Variants in EPB41L4B observed in about 807,000 individuals in gnomAD.
EPB41L4B encodes the protein band 4.1-like protein 4B.
In EPB41L4B, 30 loss-of-function variants were observed where a neutral mutation model predicts 112.5. The ratio of observed to expected loss-of-function variants is 0.27; its 90% CI spans 0.20 to 0.36. The LOEUF is 0.36. Among genes scored for constraint, EPB41L4B ranks in the 10% least tolerant of loss-of-function variants. The pLI is 1.00. For missense variants in EPB41L4B, 1,024 were observed against 1,133.3 expected (o/e 0.90, Z 1.38); for synonymous variants, 408 against 439.7 (o/e 0.93, Z 0.90).
At chr9:109,235,565 T>G (rs548740643) in intron 15 of EPB41L4B, among the ~76,000 whole-genome samples, 4 of 151,524 alleles carry the variant, frequency 2.6e-5, no homozygotes, top group African/African-American at 9.7e-5. Context: ...GCCCGGCTAG[T>G]TTTTGCATTT....
chr9:109,307,016 T>TG (rs551777535), intron 1 of EPB41L4B, among the ~76,000 whole-genome samples: 20 of 28,220 alleles, frequency 7.1e-4, no homozygotes, highest in African/African-American at 2.6e-3. Flanking sequence ...GCTGCAGTTG[T>TG]TTTTTTTTTT....
At chr9:109,289,353 C>T (rs1836437658) in intron 1 of EPB41L4B, among the ~76,000 whole-genome samples, 2 of 152,366 alleles carry the variant, frequency 1.3e-5, no homozygotes, top group Admixed American at 6.5e-5. Flanking sequence ...TCTCCCGCAC[C>T]CCCATTCCTT....
chr9:109,253,364 G>A, intron 12 of EPB41L4B, 77 bp downstream of exon 12: 1 of 1,002,390 alleles, frequency 1.0e-6, no homozygotes, highest in East Asian at 2.4e-5. Context: ...TTCATAAGCT[G>A]CTTGACCAAG....
At chr9:109,212,391 G>GAT (rs1326259928) in intron 17 of EPB41L4B, among the ~76,000 whole-genome samples, 2 of 152,182 alleles carry the variant, frequency 1.3e-5, no homozygotes, top group East Asian at 3.9e-4. Context: ...GCTCAATAAA[G>GAT]ATCTGTTGAT....
chr9:109,313,783 T>C (rs1003669051), intron 1 of EPB41L4B, among the ~76,000 whole-genome samples: 2 of 152,132 alleles, frequency 1.3e-5, no homozygotes, highest in African/African-American at 4.8e-5. Context: ...CCTAAAGAGA[T>C]ACAAGCTCCA....
At chr9:109,317,767 A>G (rs1292341962) in intron 1 of EPB41L4B, among the ~76,000 whole-genome samples, 1 of 152,228 alleles carries the variant, frequency 6.6e-6, no homozygotes, top group Non-Finnish European at 1.5e-5. Context: ...TCTTGCGACA[A>G]GCAGCAAGGC....
intron 15 of EPB41L4B, among the ~76,000 whole-genome samples, chr9:109,220,063 A>G (rs1410434126): frequency 6.6e-6 from 1 of 152,230 alleles, no homozygotes; most frequent in Non-Finnish European, 1.5e-5. Flanking sequence ...TGGCATTACC[A>G]CTGAACTTTT....
At chr9:109,265,134 G>T in intron 4 of EPB41L4B, 110 bp from the exon 5 acceptor site, 1 of 837,534 alleles carries the variant, frequency 1.2e-6, no homozygotes, top group Non-Finnish European at 1.9e-6. Context: ...GTTTTGCATT[G>T]TAAAAAAGGA....
intron 18 of EPB41L4B, 120 bp downstream of exon 18, chr9:109,207,804 T>TC: frequency 7.9e-7 from 1 of 1,263,360 alleles, no homozygotes; most frequent in Non-Finnish European, 1.1e-6. Flanking sequence ...TGCCCGGTTC[T>TC]CATCTCCTGA....
chr9:109,281,730 TAA>T (rs1564317317), intron 1 of EPB41L4B, among the ~76,000 whole-genome samples: 44 of 83,300 alleles, frequency 5.3e-4, no homozygotes, highest in African/African-American at 2.4e-3. Flanking sequence ...ATAAATTAAT[TAA>T]TTAATTTTAA....
intron 2 of EPB41L4B, among the ~76,000 whole-genome samples, chr9:109,273,358 T>C (rs1270803573): frequency 1.3e-5 from 2 of 152,230 alleles, no homozygotes; most frequent in African/African-American, 4.8e-5. Flanking sequence ...GTGATTCTCC[T>C]GCCTCGGCCT....
At chr9:109,301,846 T>C (rs1836981005) in intron 1 of EPB41L4B, among the ~76,000 whole-genome samples, 2 of 152,360 alleles carry the variant, frequency 1.3e-5, no homozygotes, top group African/African-American at 4.8e-5. Context: ...CAGGCTACAA[T>C]GAGCCATGGT....
chr9:109,200,616 A>T (rs984660725), intron 19 of EPB41L4B, among the ~76,000 whole-genome samples: 1 of 152,184 alleles, frequency 6.6e-6, no homozygotes, highest in African/African-American at 2.4e-5. Context: ...GCTCCGTAAC[A>T]GCCACCCCTG....
intron 1 of EPB41L4B, among the ~76,000 whole-genome samples, chr9:109,312,689 A>G (rs889764853): frequency 2.6e-5 from 4 of 152,162 alleles, no homozygotes; most frequent in African/African-American, 7.2e-5. Context: ...TTTTGTGAGG[A>G]TTCAACAAGA....
intron 6 of EPB41L4B, among the ~76,000 whole-genome samples, chr9:109,260,002 G>A (rs1259843492): frequency 6.6e-6 from 1 of 152,188 alleles, no homozygotes; most frequent in Non-Finnish European, 1.5e-5. Flanking sequence ...CATGGAATGG[G>A]GTTGGGGAGA....
In EPB41L4B at chr9:109,194,325, T is replaced by C; in HGVS notation, c.2118A>G (p.Thr706=). Residue 706 remains threonine (T), a synonymous_variant, in exon 21 of 26, where the codon ACA becomes ACG. Coordinates refer to ENST00000374566, the MANE Select transcript of EPB41L4B (RefSeq NM_019114.5). Reference sequence around the variant, plus strand: ...GCACGGAGACTTGTGTGGCGGCCGTTGTGGTGTTTGTGGTTGTAGATGTGG... The same window carrying C: ...GCACGGAGACTTGTGTGGCGGCCGTCGTGGTGTTTGTGGTTGTAGATGTGG... ...GVTTSTTTNT[T]TAATQVSVPL... 1 of 1,614,138 alleles carries C rather than the reference T, an allele frequency of 6.2e-7. No homozygotes were observed. Among genetic ancestry groups the C allele is most frequent in the East Asian group, 2.2e-5 (1 of 44,884 alleles).
At chr9:109,241,884 C>G (rs1564288342) in intron 15 of EPB41L4B, 2 of 1,503,460 alleles carry the variant, frequency 1.3e-6, no homozygotes. Context: ...ACAACACAAG[C>G]ACAAAGGAAA....
chr9:109,260,295 C>T (rs1032157729), intron 6 of EPB41L4B, among the ~76,000 whole-genome samples: 4 of 152,176 alleles, frequency 2.6e-5, no homozygotes, highest in Admixed American at 2.6e-4. Flanking sequence ...GTCTCAAACT[C>T]CTGGGCCCAA....
chr9:109,194,530 A>G (rs1832577484), intron 20 of EPB41L4B, 133 bp from the exon 21 acceptor site: 1 of 934,930 alleles, frequency 1.1e-6, no homozygotes, highest in East Asian at 2.6e-5. Flanking sequence ...TGTCCACCAG[A>G]TGTCCAGCTT....
Sources: gnomAD v4.1 joint callset for allele counts (sites outside exome capture counted in the v4.1 genomes callset) on GRCh38, gnomAD v4.1.1 for gene constraint, MANE v1.5 for transcripts, NCBI Gene and HGNC (gene_info 2026-07-23, HGNC 2026-07-21) for gene names.